The following NMNAT3 variants were observed in gnomAD, a reference collection of about 807,000 sequenced individuals.
The protein encoded by NMNAT3 is nicotinamide nucleotide adenylyltransferase 3.
NMNAT3 carries 21 observed loss-of-function variants against 24.8 expected under a neutral mutation model. The ratio of observed to expected loss-of-function variants is 0.85; its 90% CI spans 0.60 to 1.22. NMNAT3 has a LOEUF of 1.22. NMNAT3 is among the 50% of genes most tolerant of loss of function. The probability of loss-of-function intolerance (pLI) is 0.00; values close to 1 mark genes in which losing one functional copy is unlikely to be tolerated. For synonymous variants in NMNAT3, 136 were observed against 155.2 expected, an observed-to-expected ratio of 0.88 and a Z score of 0.92; for missense variants, 387 against 436.6, an observed-to-expected ratio of 0.89 and a Z score of 1.01.
intron 3 of NMNAT3, among the ~76,000 whole-genome samples, chr3:139,612,509 C>G (rs1214041445): frequency 6.6e-6 from 1 of 152,162 alleles, no homozygotes; most frequent in African/African-American, 2.4e-5. Context: ...ATTCTGCATG[C>G]ATTCCAGTAT....
Position 139,654,036 on chromosome 3 carries a change from C to G in NMNAT3, c.-140-15974G>C, listed in dbSNP as rs527517763. 8.5e-5 allele frequency among the ~76,000 whole-genome samples: 13 copies of G among 152,310 alleles called. No individual in the cohort carries two copies. The South Asian group carries it at 2.7e-3, about 32-fold the overall frequency. On this transcript the variant is annotated intron_variant, in intron 1 of 6. Coordinates refer to ENST00000643695, the MANE Select transcript of NMNAT3 (RefSeq NM_001320510.2). ...GAGCTAGTAGAGTACAGAGCACACA[C>G]AGTCTTACACTGGGACAGCTCCCAA...
rs1478655693 is a variant in NMNAT3 at position 139,622,665 on chromosome 3, G to A, written c.109+4951C>T. Reference sequence around the variant, plus strand: ...CAGGAGAATCGCTTGAACATGGGAGGTGGAGGTTGCTGTGAGCTGAGATCA... The same window carrying A: ...CAGGAGAATCGCTTGAACATGGGAGATGGAGGTTGCTGTGAGCTGAGATCA... On this transcript the variant is annotated intron_variant, in intron 3 of 6. Coordinates refer to ENST00000643695, the MANE Select transcript of NMNAT3 (RefSeq NM_001320510.2). 8.6e-5 allele frequency among the ~76,000 whole-genome samples: 13 copies of A among 150,314 alleles called. No individual in the cohort carries two copies. The Admixed American group carries it at 8.7e-4, about 10-fold the overall frequency.
At chr3:139,645,771 T>G (rs948965452) in intron 1 of NMNAT3, among the ~76,000 whole-genome samples, 1 of 152,158 alleles carries the variant, frequency 6.6e-6, no homozygotes, top group African/African-American at 2.4e-5. Flanking sequence ...TGATGGCACA[T>G]TGTTGCTCTC....
At chr3:139,603,974 A>G (rs971078290) in intron 3 of NMNAT3, among the ~76,000 whole-genome samples, 5 of 152,222 alleles carry the variant, frequency 3.3e-5, no homozygotes, top group African/African-American at 1.2e-4. Context: ...CCTAGTTACT[A>G]TGGCATCCCA....
intron 1 of NMNAT3, among the ~76,000 whole-genome samples, chr3:139,648,133 G>T (rs746664090): frequency 3.9e-5 from 6 of 152,142 alleles, no homozygotes; most frequent in Non-Finnish European, 8.8e-5. Context: ...GATCCTGGGG[G>T]GGTTTTCCCT....
intron 3 of NMNAT3, among the ~76,000 whole-genome samples, chr3:139,616,470 C>G (rs1359590583): frequency 6.6e-6 from 1 of 152,136 alleles, no homozygotes; most frequent in Non-Finnish European, 1.5e-5. Flanking sequence ...AGGATACCTT[C>G]ATTTATTACC....
At chr3:139,623,054 ATTAACT>A (rs1244690915) in intron 3 of NMNAT3, among the ~76,000 whole-genome samples, 2 of 151,672 alleles carry the variant, frequency 1.3e-5, no homozygotes, top group Admixed American at 6.6e-5. Context: ...TCAATAATAA[ATTAACT>A]TTAGCTTACT....
At chr3:139,582,918 A>T (rs890210339) in intron 4 of NMNAT3, 50 of 1,433,028 alleles carry the variant, frequency 3.5e-5, no homozygotes, top group Admixed American at 2.6e-4. Flanking sequence ...ATATATATAT[A>T]TTTTTTACCT....
At chr3:139,604,274 C>T (rs1262693574) in intron 3 of NMNAT3, among the ~76,000 whole-genome samples, 2 of 152,172 alleles carry the variant, frequency 1.3e-5, no homozygotes, top group Admixed American at 1.3e-4. Flanking sequence ...TTTATTGCTG[C>T]TTTGAGGAAT....
intron 6 of NMNAT3, among the ~76,000 whole-genome samples, chr3:139,564,660 C>T (rs1002552075): frequency 5.3e-5 from 8 of 152,142 alleles, no homozygotes; most frequent in Admixed American, 3.9e-4. Context: ...CAGAAATTGC[C>T]GAGCTCATCA....
At chr3:139,647,562 A>T (rs1559950022) in intron 1 of NMNAT3, among the ~76,000 whole-genome samples, 2 of 152,214 alleles carry the variant, frequency 1.3e-5, no homozygotes, top group Admixed American at 1.3e-4. Context: ...AATCACATGT[A>T]TCCTTATAAA....
At chr3:139,656,058 G>A (rs1047337675) in intron 1 of NMNAT3, among the ~76,000 whole-genome samples, 1 of 152,226 alleles carries the variant, frequency 6.6e-6, no homozygotes. Context: ...CTGGAATCCA[G>A]CCATGCTAAC....
At chr3:139,575,865 TC>T (rs1939220170) in intron 5 of NMNAT3, 2 of 1,251,522 alleles carry the variant, frequency 1.6e-6, no homozygotes, top group Non-Finnish European at 2.1e-6. Flanking sequence ...CACATCATGT[TC>T]CCAGCCTGCA....
chr3:139,595,702 C>T (rs1191320678), intron 3 of NMNAT3, among the ~76,000 whole-genome samples: 1 of 142,962 alleles, frequency 7.0e-6, no homozygotes, highest in African/African-American at 2.8e-5. Context: ...GAAAAACAAG[C>T]AATGGGGAAA....
intron 1 of NMNAT3, among the ~76,000 whole-genome samples, chr3:139,672,326 T>C (rs7636269): frequency 0.46 from 69,712 of 152,056 alleles, 16,357 homozygotes; most frequent in Middle Eastern, 0.53. Flanking sequence ...AGGAAGAAGA[T>C]TGGCTCTAAT....
intron 3 of NMNAT3, among the ~76,000 whole-genome samples, chr3:139,594,288 A>G (rs1401722263): frequency 6.6e-6 from 1 of 152,340 alleles, no homozygotes; most frequent in South Asian, 2.1e-4. Context: ...TGAATAGACC[A>G]ATAACAGGAG....
At chr3:139,648,352 C>T (rs1158320981) in intron 1 of NMNAT3, among the ~76,000 whole-genome samples, 1 of 152,180 alleles carries the variant, frequency 6.6e-6, no homozygotes, top group African/African-American at 2.4e-5. Flanking sequence ...ATTACCCAGT[C>T]TCAGGTATTC....
At chr3:139,658,422 C>G (rs1475381782) in intron 1 of NMNAT3, among the ~76,000 whole-genome samples, 2 of 152,156 alleles carry the variant, frequency 1.3e-5, no homozygotes, top group Non-Finnish European at 2.9e-5. Flanking sequence ...AGGAGCCATC[C>G]CCTATCAAGA....
intron 3 of NMNAT3, among the ~76,000 whole-genome samples, chr3:139,608,537 A>G (rs1481353503): frequency 6.6e-6 from 1 of 152,210 alleles, no homozygotes; most frequent in Non-Finnish European, 1.5e-5. Context: ...AATTAATCAA[A>G]TATGTTGTTT....
Sources: gnomAD v4.1 joint callset for allele counts (sites outside exome capture counted in the v4.1 genomes callset) on GRCh38, gnomAD v4.1.1 for gene constraint, MANE v1.5 for transcripts, NCBI Gene and HGNC (gene_info 2026-07-23, HGNC 2026-07-21) for gene names.